The following FARS2 variants were observed in gnomAD, a reference collection of about 807,000 sequenced individuals.
FARS2 encodes the protein phenylalanyl-tRNA synthetase 2, mitochondrial.
FARS2 carries 40 observed loss-of-function variants against 46.4 expected under a neutral mutation model. The ratio of observed to expected loss-of-function variants is 0.86; its 90% CI spans 0.67 to 1.12. The LOEUF is 1.12. FARS2 is among the 50% of genes most tolerant of loss of function. The pLI, the probability that FARS2 is intolerant of heterozygous loss-of-function variation, is 0.00. For synonymous variants in FARS2, 234 were observed against 214.9 expected (o/e 1.09, Z -0.78); for missense variants, 513 against 567.9 (o/e 0.90, Z 0.98).
At chr6:5,741,098 G>A (rs1197339455) in intron 6 of FARS2, among the ~76,000 whole-genome samples, 1 of 152,226 alleles carries the variant, frequency 6.6e-6, no homozygotes, top group East Asian at 1.9e-4. Flanking sequence ...CGCATCCCGA[G>A]AGAGTTGGTG....
rs920198416 is a variant in FARS2, at chr6:5,770,273, C to G, written c.1218-1018C>G. ...GCCCTGTCTCACCTGCCAGAAAGCA[C>G]GTGGCCTCTCCCTGGCTAGGCTAAG... On this transcript the variant is annotated intron_variant, in intron 6 of 6. Coordinates refer to ENST00000274680, the MANE Select transcript of FARS2 (RefSeq NM_006567.5). Among the ~76,000 whole-genome samples, 9 of 152,270 alleles carry G rather than the reference C, an allele frequency of 5.9e-5. No homozygotes were observed. In the East Asian group the frequency reaches 9.7e-4, roughly 16 times the overall value.
At position 5,430,890 on chromosome 6, in the gene FARS2, C is replaced by T. The variant is rs138243574; in HGVS notation, c.773-151C>T. 2.6e-4 allele frequency: 172 copies of T among 656,566 alleles called. No individual in the cohort carries two copies. The East Asian group carries it at 4.8e-3, about 18-fold the overall frequency. 40.7% of individuals were successfully genotyped at this position (656,566 alleles called of 1,614,324 possible). On this transcript the variant is annotated intron_variant, in intron 3 of 6. Transcript: ENST00000274680. ...TTTCACAAGTTTTAAGATTTATTGC[C>T]TCACCCTAACATGTTGCAAATTAGT...
At chr6:5,265,223 C>G (rs1765473061) in intron 1 of FARS2, among the ~76,000 whole-genome samples, 1 of 152,094 alleles carries the variant, frequency 6.6e-6, no homozygotes, top group South Asian at 2.1e-4. Context: ...GAAGGTGTTT[C>G]CAGAATGAGA....
chr6:5,275,582 G>A (rs1271459879), intron 1 of FARS2, among the ~76,000 whole-genome samples: 1 of 152,012 alleles, frequency 6.6e-6, no homozygotes. Flanking sequence ...AGGAATATAA[G>A]CCTGAAATTT....
intron 4 of FARS2, among the ~76,000 whole-genome samples, chr6:5,458,310 C>T (rs984128521): frequency 1.3e-5 from 2 of 152,206 alleles, no homozygotes; most frequent in African/African-American, 4.8e-5. Context: ...TCTGAAACAC[C>T]TGAGGCCCTT....
At chr6:5,640,140 G>GTGTGTA (rs1776741214) in intron 6 of FARS2, among the ~76,000 whole-genome samples, 1 of 23,228 alleles carries the variant, frequency 4.3e-5, no homozygotes, top group East Asian at 0.024. Flanking sequence ...CTTTTGTCAG[G>GTGTGTA]TGTGTGTGTG....
intron 6 of FARS2, among the ~76,000 whole-genome samples, chr6:5,699,801 T>TA (rs1255156098): frequency 6.6e-6 from 1 of 152,166 alleles, no homozygotes; most frequent in Non-Finnish European, 1.5e-5. Flanking sequence ...ACAGTTGAAT[T>TA]ATCTGGAAGG....
intron 4 of FARS2, among the ~76,000 whole-genome samples, chr6:5,432,348 ATATTATATATATATAATATAT>A (rs2127770803): frequency 3.0e-5 from 1 of 33,052 alleles, no homozygotes; most frequent in Non-Finnish European, 6.0e-5. Context: ...ATATATATAT[ATATTATATATATATAATATAT>A]TATATATTTA....
chr6:5,493,593 C>T (rs1015754430), intron 4 of FARS2, among the ~76,000 whole-genome samples: 3 of 152,154 alleles, frequency 2.0e-5, no homozygotes, highest in Non-Finnish European at 4.4e-5. Context: ...TAACTTCTAG[C>T]TGTATTGCCA....
At chr6:5,711,137 G>A (rs1259950818) in intron 6 of FARS2, among the ~76,000 whole-genome samples, 2 of 152,140 alleles carry the variant, frequency 1.3e-5, no homozygotes, top group Admixed American at 6.5e-5. Context: ...GGGGAATGGG[G>A]GAATGTCAAA....
At chr6:5,331,099 C>T (rs1295216843) in intron 1 of FARS2, among the ~76,000 whole-genome samples, 3 of 137,370 alleles carry the variant, frequency 2.2e-5, no homozygotes, top group African/African-American at 5.8e-5. Flanking sequence ...AGTGAAACTC[C>T]GTTTAAAAAA....
chr6:5,340,091 CTG>C (rs758089835), intron 1 of FARS2, among the ~76,000 whole-genome samples: 7 of 152,192 alleles, frequency 4.6e-5, no homozygotes, highest in Non-Finnish European at 1.0e-4. Context: ...CAAATACTGA[CTG>C]AGTTCTTATT....
At chr6:5,393,268 T>C (rs964276606) in intron 2 of FARS2, among the ~76,000 whole-genome samples, 2 of 152,070 alleles carry the variant, frequency 1.3e-5, no homozygotes, top group African/African-American at 4.8e-5. Context: ...CTCCCACAGA[T>C]TTGGATTCCA....
intron 1 of FARS2, among the ~76,000 whole-genome samples, chr6:5,357,121 T>C (rs77347876): frequency 0.025 from 3,767 of 152,290 alleles, 156 homozygotes; most frequent in African/African-American, 0.086. Flanking sequence ...AAAAAGTTGT[T>C]TGATGTCCAT....
At chr6:5,662,869 A>G (rs1461760638) in intron 6 of FARS2, among the ~76,000 whole-genome samples, 1 of 152,198 alleles carries the variant, frequency 6.6e-6, no homozygotes, top group Non-Finnish European at 1.5e-5. Flanking sequence ...TATAAAGCAG[A>G]CATAATACTC....
the FARS2 span, among the ~76,000 whole-genome samples, chr6:5,250,688 T>G: frequency 6.6e-6 from 1 of 151,512 alleles, no homozygotes; most frequent in Non-Finnish European, 1.5e-5. Context: ...CGCCACAGGC[T>G]CTATATGAAA....
intron 5 of FARS2, among the ~76,000 whole-genome samples, chr6:5,586,398 A>G (rs994877106): frequency 7.9e-5 from 12 of 152,120 alleles, no homozygotes; most frequent in African/African-American, 2.9e-4. Context: ...TGTATTTATC[A>G]TGAAAGGGTT....
chr6:5,427,708 C>T (rs953733074), intron 3 of FARS2, among the ~76,000 whole-genome samples: 3 of 152,094 alleles, frequency 2.0e-5, no homozygotes, highest in African/African-American at 7.2e-5. Flanking sequence ...GCTTTTCTTG[C>T]TTTGCTATCT....
At chr6:5,756,742 A>C (rs975566823) in intron 6 of FARS2, among the ~76,000 whole-genome samples, 2 of 152,208 alleles carry the variant, frequency 1.3e-5, no homozygotes, top group African/African-American at 4.8e-5. Context: ...TAGAATCTTT[A>C]GTTTATCTTA....
Sources: gnomAD v4.1 joint callset for allele counts (sites outside exome capture counted in the v4.1 genomes callset) on GRCh38, gnomAD v4.1.1 for gene constraint, MANE v1.5 for transcripts, NCBI Gene and HGNC (gene_info 2026-07-23, HGNC 2026-07-21) for gene names.